The following PACRG variants were observed in gnomAD, a reference collection of about 807,000 sequenced individuals.
PACRG encodes the protein parkin coregulated, also known as parkin coregulated gene protein.
PACRG carries 29 observed loss-of-function variants against 29.7 expected under a neutral mutation model. The observed-to-expected ratio is 0.98, with a 90% CI of 0.73 to 1.33. The LOEUF (loss-of-function observed/expected upper bound fraction) is 1.33. PACRG is among the 40% of genes most tolerant of loss of function. PACRG has a pLI of 0.00. For synonymous variants in PACRG, 116 were observed against 118.7 expected, an observed-to-expected ratio of 0.98 and a Z score of 0.15; for missense variants, 279 against 316.2, an observed-to-expected ratio of 0.88 and a Z score of 0.89.
intron 4 of PACRG, among the ~76,000 whole-genome samples, chr6:163,266,035 C>T (rs1403883142): frequency 6.6e-6 from 1 of 152,138 alleles, no homozygotes; most frequent in Non-Finnish European, 1.5e-5. Context: ...AGTAACAGAC[C>T]AATTCCTAAA....
intron 1 of PACRG, among the ~76,000 whole-genome samples, chr6:162,813,679 CATA>C (rs1787075368): frequency 6.6e-6 from 1 of 151,966 alleles, no homozygotes; most frequent in Non-Finnish European, 1.5e-5. Context: ...TGTTAATATT[CATA>C]ATGTGAGAAC....
At chr6:163,269,087 C>A (rs1333660159) in intron 4 of PACRG, among the ~76,000 whole-genome samples, 1 of 152,184 alleles carries the variant, frequency 6.6e-6, no homozygotes, top group African/African-American at 2.4e-5. Context: ...TGGGTAACTC[C>A]TCCAAGTAAA....
intron 4 of PACRG, among the ~76,000 whole-genome samples, chr6:163,131,743 G>C (rs16894544): frequency 6.6e-6 from 1 of 152,058 alleles, no homozygotes; most frequent in African/African-American, 2.4e-5. Context: ...GGGATCAAAC[G>C]GGCTAAGACG....
At chr6:162,778,823 C>T (rs866840358) in intron 1 of PACRG, among the ~76,000 whole-genome samples, 6 of 152,236 alleles carry the variant, frequency 3.9e-5, no homozygotes, top group African/African-American at 1.2e-4. Flanking sequence ...GCGCTCAGAG[C>T]GAGCCTAGCG....
Position 163,282,794 on chromosome 6 carries a change from C to G in PACRG, c.614-32033C>G, listed in dbSNP as rs9458773. Among the ~76,000 whole-genome samples the G allele has an allele frequency of 6.9e-3, 1,055 of 151,882 alleles. 14 individuals are homozygous for G. The highest frequency in any genetic ancestry group is 0.024 in the African/African-American group (986 of 41,448). ...CAAGGCTTACACCATCCAGTGTGTA[C>G]TTTTCTTCACTTTCTTTTAGACATA... On this transcript the variant is annotated intron_variant, in intron 4 of 4. Coordinates refer to ENST00000366888, the MANE Select transcript of PACRG (RefSeq NM_001080379.2).
chr6:162,949,705 G>C (rs1019191669), intron 2 of PACRG, among the ~76,000 whole-genome samples: 1 of 152,114 alleles, frequency 6.6e-6, no homozygotes, highest in African/African-American at 2.4e-5. Context: ...GTGAAAAATA[G>C]AGTGAGGGCA....
chr6:163,184,606 G>A (rs1779829837), intron 4 of PACRG, among the ~76,000 whole-genome samples: 1 of 152,176 alleles, frequency 6.6e-6, no homozygotes, highest in East Asian at 1.9e-4. Flanking sequence ...TAGCTTGAAT[G>A]TCTCTAATTG....
intron 4 of PACRG, among the ~76,000 whole-genome samples, chr6:163,203,815 G>A (rs974993935): frequency 2.0e-5 from 3 of 152,202 alleles, no homozygotes; most frequent in Admixed American, 2.0e-4. Context: ...TCATTGAGCT[G>A]ATGCATGTAA....
intron 2 of PACRG, among the ~76,000 whole-genome samples, chr6:162,906,998 A>G (rs1795976898): frequency 6.6e-6 from 1 of 152,220 alleles, no homozygotes; most frequent in African/African-American, 2.4e-5. Flanking sequence ...GTGAGGAGCT[A>G]AGGTTGCTAG....
intron 4 of PACRG, among the ~76,000 whole-genome samples, chr6:163,116,414 G>A (rs756507308): frequency 1.3e-5 from 2 of 152,056 alleles, no homozygotes; most frequent in Non-Finnish European, 2.9e-5. Flanking sequence ...ACCACAATTC[G>A]ACGTGATATT....
In PACRG at chr6:163,023,399, A is replaced by G. The variant is rs1020516071; in HGVS notation, c.292-38751A>G. 1.6e-4 allele frequency among the ~76,000 whole-genome samples: 25 copies of G among 152,232 alleles called. 1 individual carries two copies. The highest frequency in any genetic ancestry group is 1.2e-3 in the Admixed American group (19 of 15,284). On this transcript the variant is annotated intron_variant, in intron 2 of 4. Transcript: ENST00000366888. ...CTCTATTTACGTTGCTGCAAAGGACATGATTTCATTCTTCATTATAGCTGT... is the reference window on the plus strand; with the variant it reads ...CTCTATTTACGTTGCTGCAAAGGACGTGATTTCATTCTTCATTATAGCTGT...
At chr6:163,293,743 G>T (rs1784692709) in intron 4 of PACRG, among the ~76,000 whole-genome samples, 1 of 152,050 alleles carries the variant, frequency 6.6e-6, no homozygotes, top group African/African-American at 2.4e-5. Context: ...TTAAAGTAAG[G>T]TATACAGGGA....
intron 2 of PACRG, among the ~76,000 whole-genome samples, chr6:162,882,100 G>A (rs560785867): frequency 4.6e-5 from 6 of 131,626 alleles, no homozygotes; most frequent in African/African-American, 8.9e-5. Context: ...GTGGGGGGGC[G>A]CACTCTCCAC....
At chr6:163,105,888 A>G (rs913510206) in intron 4 of PACRG, among the ~76,000 whole-genome samples, 5 of 152,150 alleles carry the variant, frequency 3.3e-5, no homozygotes, top group Middle Eastern at 3.2e-3. Flanking sequence ...TTCCAGTCAC[A>G]TTGCTGGAGT....
chr6:163,294,379 T>G (rs530826849), intron 4 of PACRG, among the ~76,000 whole-genome samples: 2 of 152,286 alleles, frequency 1.3e-5, no homozygotes, highest in East Asian at 3.9e-4. Context: ...GGAGGCTACC[T>G]GTAAACAAAT....
At chr6:162,788,430 G>A (rs1784681693) in intron 1 of PACRG, among the ~76,000 whole-genome samples, 1 of 152,124 alleles carries the variant, frequency 6.6e-6, no homozygotes, top group South Asian at 2.1e-4. Context: ...GGACATCTTG[G>A]TTCCTTCCAA....
chr6:162,741,433 C>G (rs900485325), intron 1 of PACRG, among the ~76,000 whole-genome samples: 1 of 152,182 alleles, frequency 6.6e-6, no homozygotes, highest in Non-Finnish European at 1.5e-5. Context: ...TGAGGGCTCT[C>G]TTCCGTGCTT....
intron 2 of PACRG, among the ~76,000 whole-genome samples, chr6:162,928,506 T>A (rs982255816): frequency 6.6e-6 from 1 of 152,050 alleles, no homozygotes; most frequent in Non-Finnish European, 1.5e-5. Context: ...GATTTGCATA[T>A]TTTCTGGGTA....
rs141394890 is a variant in PACRG at position 163,135,684 on chromosome 6, G to A, written c.613+46276G>A. The stretch of plus-strand genomic sequence containing the variant: ...GTAAATACCTAGAAGTAGAAATGCT[G>A]GGCTGAAAGTTATGTGCATCATATC... On this transcript the variant is annotated intron_variant, in intron 4 of 4. Transcript: ENST00000366888. Among the ~76,000 whole-genome samples the A allele has an allele frequency of 3.2e-3, 490 of 152,302 alleles. 12 individuals are homozygous for A. The highest frequency in any genetic ancestry group is 0.025 in the Admixed American group (377 of 15,294).
Sources: gnomAD v4.1 joint callset for allele counts (sites outside exome capture counted in the v4.1 genomes callset) on GRCh38, gnomAD v4.1.1 for gene constraint, MANE v1.5 for transcripts, NCBI Gene and HGNC (gene_info 2026-07-23, HGNC 2026-07-21) for gene names.